DMD: variants seen among roughly 807,000 people sequenced by gnomAD.
DMD encodes mutant dystrophin.
DMD carries 63 observed loss-of-function variants against 330.1 expected under a neutral mutation model. That is an observed-to-expected ratio of 0.19 (90% CI 0.16 to 0.24). The LOEUF is 0.24. DMD is among the 10% of genes least tolerant of loss of function. The pLI is 1.00. For synonymous variants in DMD, 1,223 were observed against 959.8 expected (o/e 1.27, Z -5.07); for missense variants, 3,344 against 2,684.1 (o/e 1.25, Z -5.43).
intron 55 of DMD, among the ~76,000 whole-genome samples, chrX:31,545,770 A>G (rs368144173): frequency 9.0e-6 from 1 of 111,656 alleles, no homozygotes; most frequent in East Asian, 2.8e-4. Context: ...CCCCAAATGT[A>G]TCAGGAGCTG....
At chrX:33,011,412 G>A (rs1324081142) in intron 2 of DMD, among the ~76,000 whole-genome samples, 3 of 111,557 alleles carry the variant, frequency 2.7e-5, no homozygotes, top group Non-Finnish European at 5.7e-5. Flanking sequence ...AATTCCTTCT[G>A]CCTTCATCTT....
chrX:31,150,649 AGAG>A (rs2037302129), intron 74 of DMD, among the ~76,000 whole-genome samples: 1 of 112,113 alleles, frequency 8.9e-6, no homozygotes, highest in South Asian at 3.7e-4. Flanking sequence ...GTAGCCAAGA[AGAG>A]TTTTCCCATT....
chrX:32,129,781 T>C (rs2096681233), intron 44 of DMD, among the ~76,000 whole-genome samples: 1 of 103,813 alleles, frequency 9.6e-6, no homozygotes, highest in African/African-American at 3.6e-5. Context: ...ACAGAAAACA[T>C]TATGTCCAAG....
chrX:33,109,943 A>G (rs185197140), intron 1 of DMD, among the ~76,000 whole-genome samples: 2 of 110,710 alleles, frequency 1.8e-5, no homozygotes, highest in Admixed American at 9.6e-5. Flanking sequence ...AGGATGCCCA[A>G]CAATGGTTTA....
chrX:31,269,159 G>A (rs963786880), intron 62 of DMD, among the ~76,000 whole-genome samples: 1 of 111,278 alleles, frequency 9.0e-6, no homozygotes, highest in African/African-American at 3.3e-5. Flanking sequence ...GAAATGACGC[G>A]GGCATCACAG....
At chrX:33,317,933 G>A (rs751630059) in intron 1 of DMD, among the ~76,000 whole-genome samples, 2 of 111,343 alleles carry the variant, frequency 1.8e-5, no homozygotes, top group Non-Finnish European at 3.8e-5. Context: ...TCTACAGAAG[G>A]GAACATTTTC....
intron 44 of DMD, among the ~76,000 whole-genome samples, chrX:31,997,639 A>AT (rs774447307): frequency 5.5e-5 from 6 of 108,617 alleles, no homozygotes; most frequent in African/African-American, 1.3e-4. Flanking sequence ...TGTGGCTTGT[A>AT]TTTTTTTTTC....
At chrX:32,393,582 T>A (rs1181922863) in intron 30 of DMD, among the ~76,000 whole-genome samples, 1 of 111,503 alleles carries the variant, frequency 9.0e-6, no homozygotes, top group East Asian at 2.8e-4. Context: ...ATTTTAATAA[T>A]CACTATGTGT....
At chrX:32,338,413 C>T (rs5972540) in intron 41 of DMD, among the ~76,000 whole-genome samples, 1,973 of 110,514 alleles carry the variant, frequency 0.018, 51 homozygotes, top group African/African-American at 0.06. Context: ...ACTTATTTCA[C>T]GCAGATGTTT....
At chrX:31,487,626 C>T (rs1193826040) in intron 57 of DMD, among the ~76,000 whole-genome samples, 1 of 111,526 alleles carries the variant, frequency 9.0e-6, no homozygotes, top group Non-Finnish European at 1.9e-5. Context: ...AGCAACAACT[C>T]GCCCTTACAA....
chrX:32,601,107 G>A lies in DMD; in HGVS notation c.1483-5231C>T, dbSNP rs145340754. ...TTCTACCACCTCTACACTGGGCTAG[G>A]CTCTATATCCCTTGCTGGCCTGAAT... On this transcript the variant is annotated intron_variant, in intron 12 of 78. Coordinates refer to ENST00000357033, the MANE Select transcript of DMD (RefSeq NM_004006.3). 3.8e-3 allele frequency among the ~76,000 whole-genome samples: 420 copies of A among 111,073 alleles called. 8 individuals are homozygous for A. Among genetic ancestry groups the A allele is most frequent in the Admixed American group, 0.027 (277 of 10,361 alleles).
rs146369090 is a variant in DMD at position 32,727,020 on chromosome X, G to C, written c.650-27727C>G. On this transcript the variant is annotated intron_variant, in intron 7 of 78. Coordinates refer to ENST00000357033, the MANE Select transcript of DMD (RefSeq NM_004006.3). ...AGACCTTTTCAAATGGTTAAAGGCA[G>C]TCATGGTTCCTCTAGGTTGAAGTAA... Among the ~76,000 whole-genome samples the C allele has an allele frequency of 5.4e-5, 6 of 110,872 alleles. No individual in the cohort carries two copies. In the East Asian group the frequency reaches 1.7e-3, roughly 32 times the overall value.
intron 44 of DMD, among the ~76,000 whole-genome samples, chrX:32,191,148 G>A (rs1363113932): frequency 9.0e-6 from 1 of 111,423 alleles, no homozygotes; most frequent in East Asian, 2.8e-4. Flanking sequence ...TGAAAGTTCT[G>A]ATATTTAGAT....
At chrX:32,149,292 C>T (rs1477794285) in intron 44 of DMD, among the ~76,000 whole-genome samples, 1 of 111,392 alleles carries the variant, frequency 9.0e-6, no homozygotes, top group Non-Finnish European at 1.9e-5. Context: ...ATACCAATAC[C>T]TTTTGTTCTT....
At chrX:32,382,935 C>T (rs1001618910) in intron 33 of DMD, among the ~76,000 whole-genome samples, 9 of 110,589 alleles carry the variant, frequency 8.1e-5, no homozygotes, top group African/African-American at 2.3e-4. Context: ...GGAATGGATA[C>T]GTTTAACACA....
In DMD at chrX:32,819,309, A is replaced by C. The variant is rs138559178; in HGVS notation, c.358-2669T>G. Among the ~76,000 whole-genome samples, 57 of 111,004 alleles carry C rather than the reference A, an allele frequency of 5.1e-4. No individual in the cohort carries two copies. The East Asian group carries it at 0.013, about 26-fold the overall frequency. ...AATTGCAAATTGTATCAATAATATG[A>C]ACATTCTAAAGTGAATTAGCGTTGC... On this transcript the variant is annotated intron_variant, in intron 5 of 78. Coordinates refer to ENST00000357033, the MANE Select transcript of DMD (RefSeq NM_004006.3).
chrX:31,219,636 T>C (rs2045773354), intron 64 of DMD, among the ~76,000 whole-genome samples: 1 of 110,447 alleles, frequency 9.1e-6, no homozygotes, highest in African/African-American at 3.3e-5. Flanking sequence ...GGCTCTGGAT[T>C]ACCTGCCCGT....
intron 44 of DMD, among the ~76,000 whole-genome samples, chrX:31,994,592 G>A (rs1028081211): frequency 1.8e-5 from 2 of 111,498 alleles, no homozygotes; most frequent in Non-Finnish European, 3.8e-5. Flanking sequence ...TGTGGGCTCC[G>A]CACCTGACAA....
intron 64 of DMD, among the ~76,000 whole-genome samples, chrX:31,216,875 C>A (rs765219692): frequency 9.0e-6 from 1 of 111,709 alleles, no homozygotes; most frequent in Admixed American, 9.5e-5. Context: ...CCAGCCTGTA[C>A]CAAATCTCTA....
Sources: gnomAD v4.1 joint callset for allele counts (sites outside exome capture counted in the v4.1 genomes callset) on GRCh38, gnomAD v4.1.1 for gene constraint, MANE v1.5 for transcripts, NCBI Gene and HGNC (gene_info 2026-07-23, HGNC 2026-07-21) for gene names.